B3GALT5: variants seen among roughly 807,000 people sequenced by gnomAD.
B3GALT5 encodes UDP-Gal:betaGlcNAc beta 1,3-galactosyltransferase, polypeptide 5.
For synonymous variants in B3GALT5, 156 were observed against 158.6 expected (o/e 0.98, Z 0.12); for missense variants, 328 against 396.6 (o/e 0.83, Z 1.47).
rs906127138 is a variant in B3GALT5 at position 39,659,778 on chromosome 21, T to C, written c.-135T>C. Reference sequence around the variant, plus strand: ...TGATTCCTGTCAGAATCACCATTTTTGGTAAACAAACCAAGCCCAGAACCT... The same window carrying C: ...TGATTCCTGTCAGAATCACCATTTTCGGTAAACAAACCAAGCCCAGAACCT... On this transcript the variant is annotated 5_prime_UTR_variant, in exon 3 of 4. Transcript: ENST00000684187. The C allele has an allele frequency of 1.0e-6, 1 of 985,242 alleles. No individual in the cohort carries two copies. Among genetic ancestry groups the C allele is most frequent in the Admixed American group, 6.1e-5 (1 of 16,262 alleles). 61.0% of individuals were successfully genotyped at this position (985,242 alleles called of 1,614,324 possible). A position where few individuals can be genotyped will look rare whatever the true frequency, so the allele number is the denominator to read the frequency against.
At position 39,660,697 on chromosome 21, in the gene B3GALT5, G is replaced by A; in HGVS notation, c.138G>A (p.Lys46=). 1.3e-5 allele frequency: 20 copies of A among 1,559,762 alleles called. No individual in the cohort carries two copies. The highest frequency in any genetic ancestry group is 1.7e-5 in the Non-Finnish European group (20 of 1,154,680). Residue 46 remains lysine, a synonymous_variant, in exon 4 of 4, where the codon AAG becomes AAA. Coordinates refer to ENST00000684187, the MANE Select transcript of B3GALT5 (RefSeq NM_001356336.2). ...ACAAGAAAGACGGGAACTTCCTTAA[G>A]CTCCCAGATACAGACTGCAGGCAGA... The part of the protein sequence containing the change: ...FVYKKDGNFL[K]LPDTDCRQTP...
intron 1 of B3GALT5, among the ~76,000 whole-genome samples, chr21:39,641,098 T>G (rs1161148311): frequency 6.6e-6 from 1 of 152,174 alleles, no homozygotes; most frequent in African/African-American, 2.4e-5. Flanking sequence ...TCCAGTATAA[T>G]ATAGTGGTGA....
At chr21:39,631,822 A>G (rs1031569714) in intron 1 of B3GALT5, among the ~76,000 whole-genome samples, 1 of 152,154 alleles carries the variant, frequency 6.6e-6, no homozygotes, top group African/African-American at 2.4e-5. Flanking sequence ...GGTACCAAGA[A>G]AGGGGATGCT....
intron 2 of B3GALT5, 141 bp from the exon 3 acceptor site, chr21:39,659,612 T>C (rs1025750398): frequency 6.9e-6 from 2 of 288,590 alleles, no homozygotes; most frequent in African/African-American, 4.6e-5. Flanking sequence ...ATGAGAAAAG[T>C]GAGGCTGGGA....
At chr21:39,645,129 C>T (rs2079325067) in intron 1 of B3GALT5, among the ~76,000 whole-genome samples, 2 of 152,152 alleles carry the variant, frequency 1.3e-5, no homozygotes, top group East Asian at 3.9e-4. Flanking sequence ...TGTATCTACT[C>T]ACCCTGCTGC....
At chr21:39,658,047 C>G (rs1176153612) in intron 2 of B3GALT5, among the ~76,000 whole-genome samples, 2 of 152,212 alleles carry the variant, frequency 1.3e-5, no homozygotes, top group African/African-American at 4.8e-5. Context: ...TCTGCTGGTG[C>G]TGCAGGTGCC....
chr21:39,629,996 T>C (rs2079183151), intron 1 of B3GALT5, among the ~76,000 whole-genome samples: 1 of 152,230 alleles, frequency 6.6e-6, no homozygotes, highest in African/African-American at 2.4e-5. Flanking sequence ...TTTTTCCAAC[T>C]GATTTTGAAA....
intron 1 of B3GALT5, among the ~76,000 whole-genome samples, chr21:39,631,381 T>G (rs2079191165): frequency 6.6e-6 from 1 of 152,184 alleles, no homozygotes; most frequent in South Asian, 2.1e-4. Flanking sequence ...TTACTTGGTG[T>G]TCTCTGTGTG....
intron 2 of B3GALT5, chr21:39,657,912 A>G: frequency 8.1e-7 from 1 of 1,231,548 alleles, no homozygotes; most frequent in Non-Finnish European, 1.0e-6. Context: ...TCTGTAGCAC[A>G]GATAGTGCCT....
Position 39,660,563 on chromosome 21 carries a change from G to T in B3GALT5, c.4G>T (p.Ala2Ser). The T allele has an allele frequency of 7.1e-7, 1 of 1,416,666 alleles. No homozygotes were observed. The highest frequency in any genetic ancestry group is 9.2e-7 in the Non-Finnish European group (1 of 1,081,588). 87.8% of individuals were successfully genotyped at this position (1,416,666 alleles called of 1,614,324 possible). M[A>S]FPKMRLMYIC... ...CATTGGATTTTGTTCCTTTCAGATG[G>T]CTTTCCCGAAGATGAGATTGATGTA... is the stretch of plus-strand genomic sequence containing the variant. Residue 2 changes from alanine (A) to serine (S), a missense_variant, in exon 4 of 4, where the codon GCT (alanine) becomes TCT (serine). Coordinates refer to ENST00000684187, the MANE Select transcript of B3GALT5 (RefSeq NM_001356336.2).
At position 39,667,915 on chromosome 21, in the gene B3GALT5, C is replaced by T. The variant is rs2079592484; in HGVS notation, c.*6423C>T. On this transcript the variant is annotated 3_prime_UTR_variant, in exon 4 of 4. Transcript: ENST00000684187. Reference sequence around the variant, plus strand: ...TGGCCCCAGGTGGTCATTCTCTCTGCACCTCAGTCTCTGCATCTCTATAAA... The same window carrying T: ...TGGCCCCAGGTGGTCATTCTCTCTGTACCTCAGTCTCTGCATCTCTATAAA... 6.6e-6 allele frequency: 1 copy of T among 152,238 alleles called. No individual in the cohort carries two copies. The highest frequency in any genetic ancestry group is 2.4e-5 in the African/African-American group (1 of 41,456). 9.4% of individuals were successfully genotyped at this position (152,238 alleles called of 1,614,324 possible). A position where few individuals can be genotyped will look rare whatever the true frequency, so the allele number is the denominator to read the frequency against.
At position 39,668,279 on chromosome 21, in the gene B3GALT5, C is replaced by T. The variant is rs904811092; in HGVS notation, c.*6787C>T. The T allele has an allele frequency of 6.6e-6, 1 of 152,214 alleles. No homozygotes were observed. 9.4% of individuals were successfully genotyped at this position (152,214 alleles called of 1,614,324 possible). ...AGTAGACCCAGGATCTAGGCTTATC[C>T]TAGTAGATCTTGGTACCAGGCCAGC... is the stretch of plus-strand genomic sequence containing the variant. On this transcript the variant is annotated 3_prime_UTR_variant, in exon 4 of 4. Coordinates refer to ENST00000684187, the MANE Select transcript of B3GALT5 (RefSeq NM_001356336.2).
chr21:39,633,992 CCTT>C (rs1400951382), intron 1 of B3GALT5, among the ~76,000 whole-genome samples: 4 of 152,154 alleles, frequency 2.6e-5, no homozygotes, highest in Non-Finnish European at 5.9e-5. Flanking sequence ...ACACAGCTCT[CCTT>C]CTGAGTCAGT....
intron 2 of B3GALT5, among the ~76,000 whole-genome samples, chr21:39,659,118 TG>T (rs1428101072): frequency 5.3e-5 from 8 of 152,120 alleles, no homozygotes; most frequent in Non-Finnish European, 1.0e-4. Flanking sequence ...CATGCGCCTG[TG>T]GTCACAGCTA....
intron 1 of B3GALT5, among the ~76,000 whole-genome samples, chr21:39,642,519 T>G (rs1405563667): frequency 3.3e-5 from 5 of 152,242 alleles, no homozygotes. Context: ...GTTCCTCTTC[T>G]TATATACCTC....
chr21:39,627,258 G>A (rs1374183768), intron 1 of B3GALT5, among the ~76,000 whole-genome samples: 1 of 152,178 alleles, frequency 6.6e-6, no homozygotes, highest in African/African-American at 2.4e-5. Context: ...ACACTTTCCT[G>A]TGATGCCATG....
At chr21:39,636,060 G>A (rs2079225204) in intron 1 of B3GALT5, among the ~76,000 whole-genome samples, 1 of 152,180 alleles carries the variant, frequency 6.6e-6, no homozygotes, top group Non-Finnish European at 1.5e-5. Flanking sequence ...CCGTGGACAT[G>A]ATCCACCATA....
intron 1 of B3GALT5, among the ~76,000 whole-genome samples, chr21:39,634,920 G>A (rs1207168002): frequency 6.6e-6 from 1 of 152,158 alleles, no homozygotes; most frequent in Non-Finnish European, 1.5e-5. Context: ...AGGAAGCTCT[G>A]TGATCACCCT....
intron 2 of B3GALT5, among the ~76,000 whole-genome samples, chr21:39,651,573 CTG>C (rs1265822837): frequency 1.3e-5 from 2 of 152,246 alleles, no homozygotes; most frequent in Admixed American, 1.3e-4. Context: ...AATGTGGAGC[CTG>C]TCTCCAAATA....
Sources: allele counts gnomAD v4.1 joint callset (sites outside exome capture counted in the v4.1 genomes callset), GRCh38; gene constraint gnomAD v4.1.1; transcripts MANE v1.5; gene names NCBI Gene and HGNC (gene_info 2026-07-23, HGNC 2026-07-21).